Variants in VSTM2B observed in about 807,000 individuals in gnomAD.
The protein encoded by VSTM2B is V-set and transmembrane domain containing 2B.
In VSTM2B, 24 loss-of-function variants were observed where a neutral mutation model predicts 24.0. The observed-to-expected ratio is 1.00, with a 90% CI of 0.72 to 1.40. The LOEUF (loss-of-function observed/expected upper bound fraction) is 1.40. VSTM2B is among the 40% of genes most tolerant of loss of function. VSTM2B has a pLI of 0.00. For synonymous variants in VSTM2B, 226 were observed against 194.4 expected (o/e 1.16, Z -1.35); for missense variants, 399 against 416.4 (o/e 0.96, Z 0.36).
chr19:29,527,376 TG>T lies in VSTM2B; in HGVS notation c.249del (p.Pro84ArgfsTer7). The T allele has an allele frequency of 6.5e-7, 1 of 1,540,730 alleles. No individual in the cohort carries two copies. Among genetic ancestry groups the T allele is most frequent in the Non-Finnish European group, 8.7e-7 (1 of 1,144,106 alleles). ...RELLHELALS[V>X]PGARSKVTNK... Reference sequence around the variant, plus strand: ...CTGCTGCACGAGCTGGCGCTCAGCGTGCCGGGCGCCCGGAGCAAGGTAACCC... The same window carrying T: ...CTGCTGCACGAGCTGGCGCTCAGCGTCCGGGCGCCCGGAGCAAGGTAACCC... On this transcript the variant is annotated frameshift_variant, in exon 2 of 5. Coordinates refer to ENST00000335523, the MANE Select transcript of VSTM2B (RefSeq NM_001146339.2). LOFTEE classifies it high-confidence loss of function.
At chr19:29,536,983 G>C (rs900443413) in intron 4 of VSTM2B, among the ~76,000 whole-genome samples, 39 of 152,178 alleles carry the variant, frequency 2.6e-4, no homozygotes, top group African/African-American at 8.9e-4. Context: ...ATGGTTTTAA[G>C]ACATTTTTGC....
rs1333433409 is a variant in VSTM2B, at chr19:29,528,475, C to T, written c.297+13C>T. ...AACTAAAATCAGCGTAAGTGTGGAG[C>T]CCAGCGCGGGCCGCGGGAGACCCCT... On this transcript the variant is annotated intron_variant, in intron 3 of 4. Transcript: ENST00000335523. 1.3e-6 allele frequency: 2 copies of T among 1,550,776 alleles called. No homozygotes were observed. The highest frequency in any genetic ancestry group is 1.4e-5 in the African/African-American group (1 of 73,196).
At chr19:29,536,777 C>A (rs1969900817) in intron 4 of VSTM2B, among the ~76,000 whole-genome samples, 1 of 152,118 alleles carries the variant, frequency 6.6e-6, no homozygotes, top group Admixed American at 6.5e-5. Context: ...GAACTAACCC[C>A]CCAACAAGGA....
Position 29,526,679 on chromosome 19 carries a change from C to A in VSTM2B, c.82+14C>A. On this transcript the variant is annotated intron_variant, in intron 1 of 4. Coordinates refer to ENST00000335523, the MANE Select transcript of VSTM2B (RefSeq NM_001146339.2). This position sits in a 1 kb window ranked among gnomAD's most constrained non-coding sequence, Gnocchi z 4.1. ...TCGTGGCCGACGGTGAGCGCGGGAA[C>A]TTTGCTGCCGCTGTGGACTCGGGGG... 6.6e-7 allele frequency: 1 copy of A among 1,526,360 alleles called. No homozygotes were observed. The highest frequency in any genetic ancestry group is 1.2e-5 in the South Asian group (1 of 82,488). 94.6% of individuals were successfully genotyped at this position (1,526,360 alleles called of 1,614,324 possible). A position where few individuals can be genotyped will look rare whatever the true frequency, so the allele number is the denominator to read the frequency against.
chr19:29,558,989 T>C (rs1970472925), intron 4 of VSTM2B, among the ~76,000 whole-genome samples: 2 of 152,152 alleles, frequency 1.3e-5, no homozygotes, highest in South Asian at 2.1e-4. Context: ...TGTGGAGAAA[T>C]AGGAACACTT....
chr19:29,530,162 C>G lies in VSTM2B; in HGVS notation c.641C>G (p.Ala214Gly). The G allele has an allele frequency of 2.0e-6, 3 of 1,482,472 alleles. No individual in the cohort carries two copies. Among genetic ancestry groups the G allele is most frequent in the Non-Finnish European group, 2.7e-6 (3 of 1,123,988 alleles). The allele number at this position is 1,482,472 out of a possible 1,614,324, so 91.8% of individuals were successfully genotyped here. A position where few individuals can be genotyped will look rare whatever the true frequency, so the allele number is the denominator to read the frequency against. ...PGSPPAAIDP[A>G]VPEAAAASAA... ...AGCCCTCCCGCCGCCATCGATCCCG[C>G]AGTCCCCGAGGCCGCGGCAGCCTCG... Residue 214 changes from alanine (A) to glycine (G), a missense_variant, in exon 4 of 5, where the codon GCA (alanine) becomes GGA (glycine). Ala to Gly is a moderately conservative substitution (Grantham distance 60). Transcript: ENST00000335523.
chr19:29,548,335 C>T (rs1041430157), intron 4 of VSTM2B, among the ~76,000 whole-genome samples: 4 of 152,116 alleles, frequency 2.6e-5, no homozygotes, highest in Non-Finnish European at 5.9e-5. Context: ...GTGCATGTCT[C>T]GTCTGCTCTC....
In VSTM2B at chr19:29,526,754, G is replaced by C; in HGVS notation, c.82+89G>C. On this transcript the variant is annotated intron_variant, in intron 1 of 4. Transcript: ENST00000335523. This position sits in a 1 kb window ranked among gnomAD's most constrained non-coding sequence, Gnocchi z 4.1. Reference sequence around the variant, plus strand: ...GAAGAAGAAGAAAGAGAACGAACCGGGAAGCTTCGCGGTCTCCAGCAATCC... The same window carrying C: ...GAAGAAGAAGAAAGAGAACGAACCGCGAAGCTTCGCGGTCTCCAGCAATCC... 2 of 1,268,656 alleles carry C rather than the reference G, an allele frequency of 1.6e-6. No homozygotes were observed. Among genetic ancestry groups the C allele is most frequent in the Non-Finnish European group, 2.2e-6 (2 of 923,214 alleles). 78.6% of individuals were successfully genotyped at this position (1,268,656 alleles called of 1,614,324 possible).
chr19:29,529,647 G>A (rs1969680925), intron 3 of VSTM2B, among the ~76,000 whole-genome samples, 172 bp from the exon 4 acceptor site: 1 of 152,206 alleles, frequency 6.6e-6, no homozygotes, highest in South Asian at 2.1e-4. Context: ...AGAGTTGGAA[G>A]CCCTATGCCA....
intron 2 of VSTM2B, 70 bp from the exon 3 acceptor site, chr19:29,528,363 A>T: frequency 1.3e-6 from 2 of 1,548,260 alleles, no homozygotes; most frequent in Non-Finnish European, 1.7e-6. Context: ...CCTTGCCTAA[A>T]GGCGGATCCG....
chr19:29,557,228 A>C (rs775765094), intron 4 of VSTM2B, among the ~76,000 whole-genome samples: 16 of 152,204 alleles, frequency 1.1e-4, no homozygotes, highest in African/African-American at 2.2e-4. Context: ...CTCAGAAATA[A>C]ATAAGACGCA....
intron 4 of VSTM2B, among the ~76,000 whole-genome samples, chr19:29,552,906 C>A (rs987550272): frequency 6.6e-6 from 1 of 152,186 alleles, no homozygotes; most frequent in Non-Finnish European, 1.5e-5. Flanking sequence ...CCTGGTGGGG[C>A]CTCCCTGCAG....
At chr19:29,535,340 G>A (rs912872233) in intron 4 of VSTM2B, among the ~76,000 whole-genome samples, 1 of 152,184 alleles carries the variant, frequency 6.6e-6, no homozygotes, top group Non-Finnish European at 1.5e-5. Context: ...AATCCAGTTT[G>A]CAACTGAATG....
In VSTM2B at chr19:29,527,219, A is replaced by G; in HGVS notation, c.91A>G (p.Thr31Ala). 6.5e-7 allele frequency: 1 copy of G among 1,548,456 alleles called. No homozygotes were observed. The highest frequency in any genetic ancestry group is 1.4e-5 in the African/African-American group (1 of 72,912). ...LLLFVADAAFTEVPKDVTVRE... is the reference protein window; with the variant it reads ...LLLFVADAAFAEVPKDVTVRE... The stretch of plus-strand genomic sequence containing the variant: ...TCTCTCCCCACCCCCAGCTGCATTC[A>G]CAGAAGTCCCCAAAGATGTGACAGT... The change falls in exon 2 of 5, where the codon ACA (threonine) becomes GCA (alanine). Residue 31 changes from threonine to alanine, a missense_variant. Transcript: ENST00000335523.
Position 29,533,364 on chromosome 19 carries a change from C to T in VSTM2B, c.769+3074C>T, listed in dbSNP as rs79170866. On this transcript the variant is annotated intron_variant, in intron 4 of 4. Coordinates refer to ENST00000335523, the MANE Select transcript of VSTM2B (RefSeq NM_001146339.2). The stretch of plus-strand genomic sequence containing the variant: ...CACCCCTGGGATAGAAGTACAGTGG[C>T]CTCTGAGGTCTCTGTCACCCCCTAA... Among the ~76,000 whole-genome samples, 10 of 152,322 alleles carry T rather than the reference C, an allele frequency of 6.6e-5. No homozygotes were observed. In the East Asian group the frequency reaches 1.7e-3, roughly 26 times the overall value.
At chr19:29,546,957 G>C (rs1037575408) in intron 4 of VSTM2B, among the ~76,000 whole-genome samples, 2 of 152,196 alleles carry the variant, frequency 1.3e-5, no homozygotes, top group Admixed American at 6.5e-5. Context: ...TCAGGCTGAG[G>C]CATTCATGGG....
intron 4 of VSTM2B, among the ~76,000 whole-genome samples, chr19:29,544,417 T>C (rs1970095714): frequency 6.7e-6 from 1 of 149,144 alleles, no homozygotes; most frequent in Non-Finnish European, 1.5e-5. Flanking sequence ...TCCCAGCTAC[T>C]TGGGAGGCTG....
rs1009920384 is a variant in VSTM2B, at chr19:29,564,001, A to T, written c.*67A>T. 5.6e-5 allele frequency: 67 copies of T among 1,186,686 alleles called. No individual in the cohort carries two copies. Among genetic ancestry groups the T allele is most frequent in the Non-Finnish European group, 7.9e-5 (64 of 814,770 alleles). 73.5% of individuals were successfully genotyped at this position (1,186,686 alleles called of 1,614,324 possible). ...CTGCCCGGGGCCCTCGGTGAGGACC[A>T]TGTCGCTGGATGGACACAGAGAGAC... On this transcript the variant is annotated 3_prime_UTR_variant, in exon 5 of 5. Transcript: ENST00000335523.
At chr19:29,561,508 C>T (rs1370190096) in intron 4 of VSTM2B, among the ~76,000 whole-genome samples, 1 of 151,972 alleles carries the variant, frequency 6.6e-6, no homozygotes, top group African/African-American at 2.4e-5. Context: ...GCCTGTAATC[C>T]CAGCTACTTG....
Sources: gnomAD v4.1 joint callset for allele counts (sites outside exome capture counted in the v4.1 genomes callset) on GRCh38, gnomAD v4.1.1 for gene constraint, Gnocchi (gnomAD v3.1) non-coding constraint, MANE v1.5 for transcripts, NCBI Gene and HGNC (gene_info 2026-07-23, HGNC 2026-07-21) for gene names.